The following LRRC47 variants were observed in gnomAD, a reference collection of about 807,000 sequenced individuals.
The protein encoded by LRRC47 is leucine-rich repeat-containing protein 47.
LRRC47 carries 31 observed loss-of-function variants against 40.9 expected under a neutral mutation model. That is an observed-to-expected ratio of 0.76 (90% CI 0.57 to 1.02). LRRC47 has a LOEUF of 1.02. Ranked by LOEUF, LRRC47 falls within the 50% of genes least tolerant of loss-of-function variation. The pLI is 0.00. For synonymous variants in LRRC47, 427 were observed against 371.9 expected, an observed-to-expected ratio of 1.15 and a Z score of -1.70; for missense variants, 726 against 796.1, an observed-to-expected ratio of 0.91 and a Z score of 1.06.
chr1:3,784,235 G>A (rs905699699), intron 3 of LRRC47, 124 bp from the exon 4 acceptor site: 1 of 781,826 alleles, frequency 1.3e-6, no homozygotes, highest in Non-Finnish European at 2.1e-6. Flanking sequence ...CTCTACAGCA[G>A]GCAGGGAGCA....
intron 1 of LRRC47, among the ~76,000 whole-genome samples, chr1:3,795,568 TTTGCTAACAATTA>T (rs1294546301): frequency 2.0e-5 from 3 of 151,990 alleles, no homozygotes; most frequent in Non-Finnish European, 4.4e-5. Context: ...AGAAGCCAGG[TTTGCTAACAATTA>T]CAAAATAGCG....
At chr1:3,795,615 A>G (rs1475427000) in intron 1 of LRRC47, among the ~76,000 whole-genome samples, 1 of 152,252 alleles carries the variant, frequency 6.6e-6, no homozygotes, top group African/African-American at 2.4e-5. Context: ...AGTCCAGTTA[A>G]CAGAATGCGG....
intron 1 of LRRC47, among the ~76,000 whole-genome samples, chr1:3,795,550 T>G (rs916174481): frequency 6.6e-6 from 1 of 152,194 alleles, no homozygotes; most frequent in Non-Finnish European, 1.5e-5. Flanking sequence ...CTACGCTCGA[T>G]CTACAGGAGA....
At position 3,780,147 on chromosome 1, in the gene LRRC47, T is replaced by C. The variant is rs1643504359; in HGVS notation, c.*941A>G. 6.6e-6 allele frequency: 1 copy of C among 152,230 alleles called. No homozygotes were observed. The highest frequency in any genetic ancestry group is 1.5e-5 in the Non-Finnish European group (1 of 68,048). The allele number at this position is 152,230 out of a possible 1,614,324, so 9.4% of individuals were successfully genotyped here. ...GGTCTCCGAACCAGTGACAGTCACG[T>C]GTCGCTCAGTGACACATGAGAAACG... On this transcript the variant is annotated 3_prime_UTR_variant, in exon 7 of 7. Coordinates refer to ENST00000378251, the MANE Select transcript of LRRC47 (RefSeq NM_020710.3).
At chr1:3,782,174 T>C (rs1470641843) in intron 5 of LRRC47, among the ~76,000 whole-genome samples, 2 of 152,184 alleles carry the variant, frequency 1.3e-5, no homozygotes, top group Non-Finnish European at 2.9e-5. Context: ...AACCTCACAA[T>C]GCAGCAGATA....
intron 1 of LRRC47, 80 bp from the exon 2 acceptor site, chr1:3,787,390 C>CCA: frequency 7.4e-7 from 1 of 1,359,776 alleles, no homozygotes; most frequent in Non-Finnish European, 9.9e-7. Flanking sequence ...GGCAGGGAGA[C>CCA]CACTCATCAC....
chr1:3,781,184 C>T lies in LRRC47; in HGVS notation c.1656G>A (p.Gln552=). ...KDGPSLLVVE[Q]VRVVDLEGSL... is the part of the protein sequence containing the mutation. ...TCCCTTCCAGATCCACCACCCGGAC[C>T]TGCTCCACCACCAGAAGGGAGGGCC... The change falls in exon 7 of 7, where the codon CAG becomes CAA. Residue 552 remains glutamine, a synonymous_variant. Transcript: ENST00000378251. The T allele has an allele frequency of 6.2e-7, 1 of 1,614,180 alleles. No homozygotes were observed.
chr1:3,782,633 C>T (rs1420835829), intron 5 of LRRC47, 28 bp downstream of exon 5: 1 of 1,273,966 alleles, frequency 7.8e-7, no homozygotes, highest in Non-Finnish European at 1.1e-6. Flanking sequence ...CTAGAAGACA[C>T]ACCATGTTCA....
rs1286199125 is a variant in LRRC47, at chr1:3,779,129, G to T, written c.*1959C>A. 1 of 152,344 alleles carries T rather than the reference G, an allele frequency of 6.6e-6. No homozygotes were observed. Among genetic ancestry groups the T allele is most frequent in the Non-Finnish European group, 1.5e-5 (1 of 68,130 alleles). The allele number at this position is 152,344 out of a possible 1,614,324, so 9.4% of individuals were successfully genotyped here. A position where few individuals can be genotyped will look rare whatever the true frequency, so the allele number is the denominator to read the frequency against. On this transcript the variant is annotated 3_prime_UTR_variant, in exon 7 of 7. Transcript: ENST00000378251. ...TGGAGTCCCCTCCCTCCCACAGTGG[G>T]CGAGACGGGAAGGCCTGGCGGTGAC...
At chr1:3,793,641 C>T (rs146656771) in intron 1 of LRRC47, among the ~76,000 whole-genome samples, 1 of 152,270 alleles carries the variant, frequency 6.6e-6, no homozygotes, top group East Asian at 1.9e-4. Context: ...ACAGCACTAG[C>T]AGCACTGTGG....
chr1:3,796,092 G>C lies in LRRC47; in HGVS notation c.385C>G (p.Pro129Ala). The C allele has an allele frequency of 6.7e-7, 1 of 1,485,826 alleles. No individual in the cohort carries two copies. The highest frequency in any genetic ancestry group is 1.3e-5 in the South Asian group (1 of 77,646). 92.0% of individuals were successfully genotyped at this position (1,485,826 alleles called of 1,614,324 possible). Residue 129 changes from proline to alanine, a missense_variant, in exon 1 of 7, where the codon CCG becomes GCG. Physicochemically the swap from Pro to Ala is conservative, Grantham distance 27. Transcript: ENST00000378251. ...CTGAGGTTGAGGCTCTGCAGCTGCG[G>C]AAGGCCCGGCGGCTCGGCGGGGCCC... The part of the protein sequence containing the change: ...GLGPAEPPGL[P>A]QLQSLNLSGN...
intron 3 of LRRC47, 92 bp downstream of exon 3, chr1:3,784,993 CAA>C (rs34940702): frequency 4.7e-3 from 3,245 of 693,454 alleles, no homozygotes; most frequent in South Asian, 8.2e-3. Context: ...ACTCCATCTC[CAA>C]AAAAAAAAAA....
chr1:3,781,307 T>C lies in LRRC47; in HGVS notation c.1533A>G (p.Leu511=). The C allele has an allele frequency of 6.2e-7, 1 of 1,613,622 alleles. No homozygotes were observed. Among genetic ancestry groups the C allele is most frequent in the Non-Finnish European group, 8.5e-7 (1 of 1,179,602 alleles). The stretch of plus-strand genomic sequence containing the variant: ...AGAGTGATCCTTCCTCTTTATTTTC[T>C]AAAGTGTACTTTTTCATTTCTGCCA... ...LKMAEMKKYT[L]ENKEEGSLSD... The change falls in exon 7 of 7, where the codon TTA becomes TTG. Residue 511 remains leucine, a synonymous_variant. Transcript: ENST00000378251.
chr1:3,796,348 C>T lies in LRRC47; in HGVS notation c.129G>A (p.Pro43=), dbSNP rs113612840. ...ERVRAAGGQL[P]PRLFTLPLLH... is the part of the protein sequence containing the mutation. ...GCAGCGGCAGGGTGAAAAGCCGCGG[C>T]GGCAGCTGCCCACCCGCCGCCCGCA... The change falls in exon 1 of 7, where the codon CCG becomes CCA. Residue 43 remains proline, a synonymous_variant. Coordinates refer to ENST00000378251, the MANE Select transcript of LRRC47 (RefSeq NM_020710.3). The T allele has an allele frequency of 2.8e-4, 424 of 1,509,514 alleles. No individual in the cohort carries two copies. The African/African-American group carries it at 5.4e-3, about 19-fold the overall frequency. The allele number at this position is 1,509,514 out of a possible 1,614,324, so 93.5% of individuals were successfully genotyped here.
At position 3,796,496 on chromosome 1, in the gene LRRC47, G is replaced by C. The variant is rs1199617854; in HGVS notation, c.-20C>G. 2.0e-6 allele frequency: 3 copies of C among 1,494,674 alleles called. No individual in the cohort carries two copies. Among genetic ancestry groups the C allele is most frequent in the Admixed American group, 2.2e-5 (1 of 45,742 alleles). 92.6% of individuals were successfully genotyped at this position (1,494,674 alleles called of 1,614,324 possible). ...CGCCATGGCGCCTCAGCTGCTGGCA[G>C]GCACCCACCCACCAGGGTGCTTCCG... On this transcript the variant is annotated 5_prime_UTR_variant, in exon 1 of 7. Transcript: ENST00000378251.
intron 1 of LRRC47, among the ~76,000 whole-genome samples, chr1:3,791,445 C>T (rs1054276329): frequency 1.3e-5 from 2 of 152,106 alleles, no homozygotes; most frequent in African/African-American, 4.8e-5. Flanking sequence ...TTTTTCCTTT[C>T]CTCCCCCTTC....
intron 2 of LRRC47, 99 bp downstream of exon 2, chr1:3,786,750 A>C (rs888089865): frequency 5.1e-6 from 6 of 1,173,384 alleles, no homozygotes; most frequent in Non-Finnish European, 7.1e-6. Flanking sequence ...CCCATACTCC[A>C]CTGCTGCTCC....
chr1:3,785,148 T>C lies in LRRC47; in HGVS notation c.1133A>G (p.His378Arg). 6.2e-7 allele frequency: 1 copy of C among 1,600,492 alleles called. No homozygotes were observed. Among genetic ancestry groups the C allele is most frequent in the East Asian group, 2.3e-5 (1 of 43,616 alleles). The change falls in exon 3 of 7, where the codon CAC becomes CGC. Residue 378 changes from histidine to arginine, a missense_variant. By Grantham distance (29) the His-to-Arg change is conservative. Coordinates refer to ENST00000378251, the MANE Select transcript of LRRC47 (RefSeq NM_020710.3). ...GGGCCCTTTGACGGCACGGAGCTCG[T>C]GGGTGGCAAGGGTGGCAGCCGTCCT... ...EKRTAATLAT[H>R]ELRAVKGPLL...
intron 1 of LRRC47, among the ~76,000 whole-genome samples, chr1:3,791,755 C>T (rs1643629063): frequency 6.6e-6 from 1 of 151,912 alleles, no homozygotes; most frequent in Non-Finnish European, 1.5e-5. Flanking sequence ...CGCACCCGGC[C>T]TCTCTCTCCT....
Sources: gnomAD v4.1 joint callset for allele counts (sites outside exome capture counted in the v4.1 genomes callset) on GRCh38, gnomAD v4.1.1 for gene constraint, MANE v1.5 for transcripts, NCBI Gene and HGNC (gene_info 2026-07-23, HGNC 2026-07-21) for gene names.